SCAMP1: variants seen among roughly 807,000 people sequenced by gnomAD.
SCAMP1 encodes secretory carrier-associated membrane protein 1.
In SCAMP1, 15 loss-of-function variants were observed where a neutral mutation model predicts 41.8. That is an observed-to-expected ratio of 0.36 (90% confidence interval 0.24 to 0.55). SCAMP1 has a LOEUF of 0.55. Ranked by LOEUF, SCAMP1 falls within the 20% of genes least tolerant of loss-of-function variation. The pLI, the probability that SCAMP1 is intolerant of heterozygous loss-of-function variation, is 0.86. For missense variants in SCAMP1, 341 were observed against 412.6 expected (o/e 0.83, Z 1.50); for synonymous variants, 135 against 136.8 (o/e 0.99, Z 0.09).
intron 8 of SCAMP1, among the ~76,000 whole-genome samples, chr5:78,463,687 C>T (rs1000778718): frequency 6.6e-6 from 1 of 152,056 alleles, no homozygotes; most frequent in South Asian, 2.1e-4. Context: ...TATATAGAGA[C>T]AGAAAATGTA....
At position 78,429,667 on chromosome 5, in the gene SCAMP1, G is replaced by T. The variant is rs182550035; in HGVS notation, c.632+7707G>T. Among the ~76,000 whole-genome samples, 61 of 152,104 alleles carry T rather than the reference G, an allele frequency of 4.0e-4. 1 individual carries two copies. The highest frequency in any genetic ancestry group is 1.4e-3 in the African/African-American group (58 of 41,528). On this transcript the variant is annotated intron_variant, in intron 6 of 8. Coordinates refer to ENST00000621999, the MANE Select transcript of SCAMP1 (RefSeq NM_004866.6). Reference sequence around the variant, plus strand: ...GGCAAGAATGCCACAGACTCATGCTGTTCTTACCAGAGTTCAGTAGTTTCC... The same window carrying T: ...GGCAAGAATGCCACAGACTCATGCTTTTCTTACCAGAGTTCAGTAGTTTCC...
At chr5:78,450,376 C>T (rs10942856) in intron 7 of SCAMP1, among the ~76,000 whole-genome samples, 115,885 of 152,076 alleles carry the variant, frequency 0.76, 44,798 homozygotes, top group African/African-American at 0.85. Context: ...TTCAGGGATT[C>T]TAAGGAAAAG....
intron 8 of SCAMP1, among the ~76,000 whole-genome samples, chr5:78,464,163 G>A (rs1421662690): frequency 7.2e-6 from 1 of 139,666 alleles, no homozygotes; most frequent in East Asian, 2.0e-4. Context: ...TTCTTTTTTT[G>A]AGATAGAGTC....
chr5:78,456,499 G>A (rs1035464276), intron 7 of SCAMP1, among the ~76,000 whole-genome samples: 1 of 151,688 alleles, frequency 6.6e-6, no homozygotes, highest in African/African-American at 2.4e-5. Context: ...CTTTAAGAAT[G>A]TTGAATATTG....
intron 6 of SCAMP1, among the ~76,000 whole-genome samples, chr5:78,424,407 T>A (rs897874167): frequency 6.6e-6 from 1 of 152,304 alleles, no homozygotes; most frequent in South Asian, 2.1e-4. Flanking sequence ...CATGAAGTTG[T>A]CATTTTGTTA....
intron 2 of SCAMP1, among the ~76,000 whole-genome samples, chr5:78,414,577 G>T (rs1580676216): frequency 6.6e-6 from 1 of 152,124 alleles, no homozygotes; most frequent in South Asian, 2.1e-4. Context: ...CACTGCGCCC[G>T]GCCAGCTTGC....
Position 78,401,499 on chromosome 5 carries a change from A to G in SCAMP1, c.135+12585A>G, listed in dbSNP as rs73132310. Among the ~76,000 whole-genome samples the G allele has an allele frequency of 8.4e-3, 1,281 of 152,256 alleles. 20 individuals carry two copies. Among genetic ancestry groups the G allele is most frequent in the African/African-American group, 0.029 (1,197 of 41,546 alleles). On this transcript the variant is annotated intron_variant, in intron 2 of 8. Transcript: ENST00000621999. ...TGGAAGGTTATTACTTATTGAGGCA[A>G]TATCTTTAATAAATAGAGGCCTATT...
intron 8 of SCAMP1, among the ~76,000 whole-genome samples, chr5:78,471,280 G>A (rs1753877143): frequency 6.6e-6 from 1 of 152,112 alleles, no homozygotes; most frequent in Admixed American, 6.6e-5. Flanking sequence ...TTGAGATAGT[G>A]CTTAAAGGGT....
chr5:78,425,048 T>C (rs1752432406), intron 6 of SCAMP1, among the ~76,000 whole-genome samples: 1 of 152,232 alleles, frequency 6.6e-6, no homozygotes, highest in African/African-American at 2.4e-5. Flanking sequence ...AGTTTTGCAT[T>C]ATAGATGGTG....
intron 6 of SCAMP1, among the ~76,000 whole-genome samples, chr5:78,434,205 T>C (rs769775806): frequency 3.3e-5 from 5 of 152,236 alleles, no homozygotes; most frequent in African/African-American, 4.8e-5. Flanking sequence ...CTGGGGGTTC[T>C]GTACTCTCTC....
Position 78,477,941 on chromosome 5 carries a change from A to G in SCAMP1, c.*2273A>G, listed in dbSNP as rs1669072381. The G allele has an allele frequency of 6.6e-6, 1 of 152,196 alleles. No individual in the cohort carries two copies. The highest frequency in any genetic ancestry group is 6.5e-5 in the Admixed American group (1 of 15,290). The allele number at this position is 152,196 out of a possible 1,614,324, so 9.4% of individuals were successfully genotyped here. A position where few individuals can be genotyped will look rare whatever the true frequency, so the allele number is the denominator to read the frequency against. ...GTTCTATATTTAGTACTAAAATCACAGTCATGAAATCATAGTCATAAAATG... is the reference window on the plus strand; with the variant it reads ...GTTCTATATTTAGTACTAAAATCACGGTCATGAAATCATAGTCATAAAATG... On this transcript the variant is annotated 3_prime_UTR_variant, in exon 9 of 9. Transcript: ENST00000621999.
rs1211929705 is a variant in SCAMP1 at position 78,460,812 on chromosome 5, C to CTTTCTTTCTTTCTTT, written c.852+1450_852+1451insTTTCTTTCTTTCTTT. Reference sequence around the variant, plus strand: ...TCCTTCCTTCCTTCCTTCCTCCCTTCCTTCCTTCCTTTCTTGTCTTTCCTC... The same window carrying CTTTCTTTCTTTCTTT: ...TCCTTCCTTCCTTCCTTCCTCCCTTCTTTCTTTCTTTCTTTCTTCCTTCCTTTCTTGTCTTTCCTC... On this transcript the variant is annotated intron_variant, in intron 8 of 8. Transcript: ENST00000621999. Among the ~76,000 whole-genome samples, 13 of 25,528 alleles carry CTTTCTTTCTTTCTTT rather than the reference C, an allele frequency of 5.1e-4. 1 individual carries two copies. The highest frequency in any genetic ancestry group is 9.7e-4 in the East Asian group (1 of 1,026). The allele number at this position is 25,528 out of a possible 152,430, so 16.7% of individuals were successfully genotyped here.
At chr5:78,396,322 A>G (rs1344570669) in intron 2 of SCAMP1, among the ~76,000 whole-genome samples, 2 of 152,176 alleles carry the variant, frequency 1.3e-5, no homozygotes, top group Non-Finnish European at 2.9e-5. Context: ...AGATATTGAT[A>G]ATGGGGGAGA....
intron 2 of SCAMP1, among the ~76,000 whole-genome samples, chr5:78,391,868 G>A (rs904970962): frequency 1.3e-5 from 2 of 152,232 alleles, no homozygotes; most frequent in Admixed American, 6.5e-5. Flanking sequence ...CTGGTCAGGC[G>A]TGGCGGCGCG....
chr5:78,418,759 T>TA lies in SCAMP1; in HGVS notation c.344-8dup, dbSNP rs761398939. Reference sequence around the variant, plus strand: ...TAATATAAATAACCTTTTCTTTTTCTAAAAAAAATTTACAGGTAGAAAAAA... The same window carrying TA: ...TAATATAAATAACCTTTTCTTTTTCTAAAAAAAAATTTACAGGTAGAAAAAA... On this transcript the variant is annotated splice_polypyrimidine_tract_variant and intron_variant, in intron 4 of 8. Transcript: ENST00000621999. 222 of 1,452,018 alleles carry TA rather than the reference T, an allele frequency of 1.5e-4. 2 individuals are homozygous for TA. In the East Asian group the frequency reaches 4.4e-3, roughly 29 times the overall value. 89.9% of individuals were successfully genotyped at this position (1,452,018 alleles called of 1,614,324 possible). A position where few individuals can be genotyped will look rare whatever the true frequency, so the allele number is the denominator to read the frequency against.
intron 6 of SCAMP1, among the ~76,000 whole-genome samples, chr5:78,445,995 C>G (rs1039835463): frequency 2.9e-4 from 44 of 152,094 alleles, no homozygotes; most frequent in Admixed American, 1.0e-3. Context: ...TTATTGTCTC[C>G]TTATTCAGAA....
chr5:78,445,102 TCC>T (rs1753022080), intron 6 of SCAMP1, among the ~76,000 whole-genome samples: 1 of 152,184 alleles, frequency 6.6e-6, no homozygotes, highest in South Asian at 2.1e-4. Flanking sequence ...CTTTGTCTTT[TCC>T]CATCCCAGCA....
In SCAMP1 at chr5:78,360,717, A is replaced by T; in HGVS notation, c.46A>T (p.Asn16Tyr). The T allele has an allele frequency of 1.2e-6, 2 of 1,609,178 alleles. No individual in the cohort carries two copies. The highest frequency in any genetic ancestry group is 1.7e-6 in the Non-Finnish European group (2 of 1,178,030). ...SNPFADPDLN[N>Y]PFKDPSVTQV... ...CCCGTTTGCCGACCCGGATCTCAAC[A>T]ATCCCTTCAAGGTGAGCTTCGGCCC... Residue 16 changes from asparagine to tyrosine, a missense_variant, in exon 1 of 9, where the codon AAT (asparagine) becomes TAT (tyrosine). By Grantham distance (143) the Asn-to-Tyr change is moderately radical (BLOSUM62 -2). Coordinates refer to ENST00000621999, the MANE Select transcript of SCAMP1 (RefSeq NM_004866.6).
rs371574366 is a variant in SCAMP1 at position 78,415,531 on chromosome 5, C to T, written c.147C>T (p.Gly49=). The T allele has an allele frequency of 4.5e-5, 72 of 1,599,814 alleles. No homozygotes were observed. Among genetic ancestry groups the T allele is most frequent in the Middle Eastern group, 3.3e-4 (2 of 6,054 alleles). ...PFSDSRTPPP[G]GVKMPNVPNT... Reference sequence around the variant, plus strand: ...CTTAATCCTCCTAGCCTCCACCAGGCGGTGTGAAGATGCCTAATGTACCCA... The same window carrying T: ...CTTAATCCTCCTAGCCTCCACCAGGTGGTGTGAAGATGCCTAATGTACCCA... The change falls in exon 3 of 9, where the codon GGC becomes GGT. Residue 49 remains glycine, a synonymous_variant. Coordinates refer to ENST00000621999, the MANE Select transcript of SCAMP1 (RefSeq NM_004866.6).
Sources: gnomAD v4.1 joint callset for allele counts (sites outside exome capture counted in the v4.1 genomes callset) on GRCh38, gnomAD v4.1.1 for gene constraint, MANE v1.5 for transcripts, NCBI Gene and HGNC (gene_info 2026-07-23, HGNC 2026-07-21) for gene names.